KCNIP4: variants seen among roughly 807,000 people sequenced by gnomAD.
The protein encoded by KCNIP4 is potassium voltage-gated channel interacting protein 4.
Under a neutral mutation model 34.0 loss-of-function variants are expected in KCNIP4, and 12 were observed. The ratio of observed to expected loss-of-function variants is 0.35; its 90% CI spans 0.23 to 0.57. KCNIP4 has a LOEUF of 0.57. Among genes scored for constraint, KCNIP4 ranks in the 20% least tolerant of loss-of-function variants. The pLI, the probability that KCNIP4 is intolerant of heterozygous loss-of-function variation, is 0.83. For missense variants in KCNIP4, 238 were observed against 311.7 expected (o/e 0.76, Z 1.78); for synonymous variants, 124 against 102.2 (o/e 1.21, Z -1.29).
At chr4:21,297,438 C>T (rs1763906618) in intron 1 of KCNIP4, among the ~76,000 whole-genome samples, 1 of 152,112 alleles carries the variant, frequency 6.6e-6, no homozygotes. Flanking sequence ...TCACTCGGCC[C>T]TAAATTCTTG....
intron 1 of KCNIP4, among the ~76,000 whole-genome samples, chr4:20,935,600 T>C (rs1373746642): frequency 6.6e-6 from 1 of 152,212 alleles, no homozygotes; most frequent in East Asian, 1.9e-4. Context: ...CTAACAAGAA[T>C]AATAGTATCA....
intron 8 of KCNIP4, chr4:20,731,734 A>G: frequency 1.0e-6 from 1 of 985,294 alleles, no homozygotes; most frequent in Non-Finnish European, 1.2e-6. Flanking sequence ...CTCCATGAAT[A>G]CTCTCTAAGG....
intron 1 of KCNIP4, among the ~76,000 whole-genome samples, chr4:21,389,985 A>G (rs1251874272): frequency 1.0e-4 from 14 of 139,420 alleles, no homozygotes; most frequent in Admixed American, 7.3e-5. Context: ...CTTTTTAATG[A>G]TTGCCCTTCT....
chr4:21,756,899 C>A lies in KCNIP4; in HGVS notation c.61+191672G>T, dbSNP rs564146325. Among the ~76,000 whole-genome samples the A allele has an allele frequency of 2.0e-5, 3 of 151,906 alleles. No homozygotes were observed. In the South Asian group the frequency reaches 6.2e-4, roughly 32 times the overall value. On this transcript the variant is annotated intron_variant, in intron 1 of 8. Transcript: ENST00000382152. ...ATCTCTTGAGGACAGAAGTTCAAGA[C>A]CAGCCTGGCCATGATGTGAAATCCC... is the stretch of plus-strand genomic sequence containing the variant.
chr4:21,584,781 A>C (rs1741488433), intron 1 of KCNIP4, among the ~76,000 whole-genome samples: 1 of 152,090 alleles, frequency 6.6e-6, no homozygotes, highest in Non-Finnish European at 1.5e-5. Flanking sequence ...CTTGGAAGGA[A>C]CACACTCACA....
At chr4:21,796,236 A>G (rs2122591) in intron 1 of KCNIP4, among the ~76,000 whole-genome samples, 65,807 of 151,996 alleles carry the variant, frequency 0.43, 16,676 homozygotes, top group Non-Finnish European at 0.59. Context: ...TACTTCTTAC[A>G]CAATTTTTTC....
At chr4:21,339,332 C>T (rs971725675) in intron 1 of KCNIP4, among the ~76,000 whole-genome samples, 14 of 152,032 alleles carry the variant, frequency 9.2e-5, no homozygotes, top group East Asian at 7.7e-4. Context: ...AAGTAACACA[C>T]GGTTTTAATT....
intron 1 of KCNIP4, among the ~76,000 whole-genome samples, chr4:21,340,895 C>A (rs903288161): frequency 6.6e-6 from 1 of 152,036 alleles, no homozygotes; most frequent in Non-Finnish European, 1.5e-5. Context: ...AGATAAAAGG[C>A]TCTGTAATTT....
intron 1 of KCNIP4, among the ~76,000 whole-genome samples, chr4:20,963,782 A>C (rs1577446369): frequency 6.6e-6 from 1 of 152,104 alleles, no homozygotes; most frequent in African/African-American, 2.4e-5. Flanking sequence ...GAGGCGAATA[A>C]GTGGGAAATA....
intron 1 of KCNIP4, among the ~76,000 whole-genome samples, chr4:21,866,346 T>A (rs1725413188): frequency 2.6e-5 from 4 of 152,186 alleles, no homozygotes; most frequent in Non-Finnish European, 5.9e-5. Flanking sequence ...TCAAGCTCTG[T>A]TTATTCAGGG....
intron 1 of KCNIP4, among the ~76,000 whole-genome samples, chr4:21,654,487 T>C (rs1050408535): frequency 6.6e-6 from 1 of 151,368 alleles, no homozygotes; most frequent in Non-Finnish European, 1.5e-5. Context: ...ACAAATACCT[T>C]GATTAAAATG....
chr4:21,608,299 G>T (rs1163676377), intron 1 of KCNIP4, among the ~76,000 whole-genome samples: 1 of 152,118 alleles, frequency 6.6e-6, no homozygotes, highest in African/African-American at 2.4e-5. Flanking sequence ...AAAGGTGTCT[G>T]CGGGGCTGCC....
intron 1 of KCNIP4, among the ~76,000 whole-genome samples, chr4:21,709,307 G>C (rs955823455): frequency 2.0e-5 from 3 of 152,220 alleles, no homozygotes; most frequent in African/African-American, 7.2e-5. Context: ...TAGAGGTTGA[G>C]AGCTGAGTTT....
intron 1 of KCNIP4, among the ~76,000 whole-genome samples, chr4:21,651,683 A>G (rs898558514): frequency 2.6e-5 from 4 of 152,222 alleles, no homozygotes; most frequent in Admixed American, 6.5e-5. Context: ...AGAACAAAAC[A>G]TAACAGCAAC....
chr4:21,082,925 TA>T (rs778392197), intron 1 of KCNIP4, among the ~76,000 whole-genome samples: 6 of 147,190 alleles, frequency 4.1e-5, no homozygotes, highest in Non-Finnish European at 7.6e-5. Context: ...AATTTATGTA[TA>T]CACAGAAATA....
At chr4:21,230,498 C>T (rs1758714449) in intron 1 of KCNIP4, among the ~76,000 whole-genome samples, 1 of 152,136 alleles carries the variant, frequency 6.6e-6, no homozygotes, top group African/African-American at 2.4e-5. Context: ...TGCTCTGCCT[C>T]TCCCTAATCC....
chr4:21,730,646 G>A (rs1332379622), intron 1 of KCNIP4, among the ~76,000 whole-genome samples: 2 of 152,194 alleles, frequency 1.3e-5, no homozygotes, highest in Non-Finnish European at 2.9e-5. Context: ...AATGGGTAAA[G>A]GGGATGTAGG....
chr4:21,593,061 C>T (rs1203918817), intron 1 of KCNIP4, among the ~76,000 whole-genome samples: 1 of 151,328 alleles, frequency 6.6e-6, no homozygotes, highest in Non-Finnish European at 1.5e-5. Flanking sequence ...TGGACTCCTT[C>T]TAAAATGCTG....
chr4:21,405,922 G>A (rs1723943303), intron 1 of KCNIP4, among the ~76,000 whole-genome samples: 1 of 152,162 alleles, frequency 6.6e-6, no homozygotes, highest in African/African-American at 2.4e-5. Context: ...TGCAAACTCC[G>A]CCTCCCGGGT....
Sources: allele counts gnomAD v4.1 joint callset (sites outside exome capture counted in the v4.1 genomes callset), GRCh38; gene constraint gnomAD v4.1.1; transcripts MANE v1.5; gene names NCBI Gene and HGNC (gene_info 2026-07-23, HGNC 2026-07-21).